ALPK1: variants seen among roughly 807,000 people sequenced by gnomAD.
The protein encoded by ALPK1 is alpha-protein kinase 1.
A neutral mutation model predicts 120.6 loss-of-function variants in ALPK1; 110 were observed. The ratio of observed to expected loss-of-function variants is 0.91; its 90% CI spans 0.78 to 1.07. ALPK1 has a LOEUF of 1.07. ALPK1 is among the 50% of genes least tolerant of loss of function. The pLI is 0.00. For synonymous variants in ALPK1, 582 were observed against 560.3 expected (o/e 1.04, Z -0.55); for missense variants, 1,498 against 1,483.9 (o/e 1.01, Z -0.16).
Position 112,417,966 on chromosome 4 carries a change from G to A in ALPK1, c.475+5941G>A, listed in dbSNP as rs554524462. Among the ~76,000 whole-genome samples the A allele has an allele frequency of 1.4e-4, 21 of 152,316 alleles. No individual in the cohort carries two copies. The South Asian group carries it at 4.1e-3, about 30-fold the overall frequency. ...GGTGACAGAAACCACACAGTAATTT[G>A]AACAGGAAAGTTCAATACAAAGAAT... On this transcript the variant is annotated intron_variant, in intron 5 of 15. Transcript: ENST00000650871.
At chr4:112,421,140 A>G (rs1733975417) in intron 5 of ALPK1, among the ~76,000 whole-genome samples, 1 of 152,090 alleles carries the variant, frequency 6.6e-6, no homozygotes, top group Non-Finnish European at 1.5e-5. Flanking sequence ...CCCATAAAAT[A>G]TTTTTTATGA....
chr4:112,309,517 G>C (rs368503233), intron 1 of ALPK1, among the ~76,000 whole-genome samples: 2 of 152,134 alleles, frequency 1.3e-5, no homozygotes, highest in Non-Finnish European at 2.9e-5. Context: ...AGCAATGAGC[G>C]AGGCTCCGTG....
At chr4:112,348,670 T>C (rs1730198104) in intron 2 of ALPK1, among the ~76,000 whole-genome samples, 1 of 152,206 alleles carries the variant, frequency 6.6e-6, no homozygotes, top group South Asian at 2.1e-4. Context: ...ATGCAAGTCC[T>C]ATTTGTTTCC....
chr4:112,374,370 T>C (rs1731556938), intron 2 of ALPK1, among the ~76,000 whole-genome samples: 1 of 152,214 alleles, frequency 6.6e-6, no homozygotes, highest in Admixed American at 6.5e-5. Context: ...TAATTCTAGT[T>C]CTCTTGCTAT....
intron 1 of ALPK1, among the ~76,000 whole-genome samples, chr4:112,308,820 C>T (rs190003718): frequency 7.2e-5 from 11 of 152,168 alleles, no homozygotes; most frequent in Admixed American, 4.6e-4. Context: ...GGGGGAGGGG[C>T]GCTCTGATTT....
At chr4:112,402,201 A>C (rs904980948) in intron 4 of ALPK1, among the ~76,000 whole-genome samples, 1 of 152,230 alleles carries the variant, frequency 6.6e-6, no homozygotes, top group South Asian at 2.1e-4. Context: ...GTTATGCAGC[A>C]ATAATTTCCC....
chr4:112,357,954 C>T (rs545916665), intron 2 of ALPK1: 64 of 757,412 alleles, frequency 8.4e-5, no homozygotes, highest in African/African-American at 3.9e-4. Flanking sequence ...TTGCCTCCCC[C>T]GGGGTCTACC....
At chr4:112,396,620 T>C (rs996897836) in intron 4 of ALPK1, among the ~76,000 whole-genome samples, 2 of 152,326 alleles carry the variant, frequency 1.3e-5, no homozygotes, top group East Asian at 3.9e-4. Flanking sequence ...TAGAATTTTC[T>C]TTATATTTTG....
intron 1 of ALPK1, among the ~76,000 whole-genome samples, chr4:112,305,115 GT>G: frequency 6.6e-6 from 1 of 152,158 alleles, no homozygotes; most frequent in African/African-American, 2.4e-5. Context: ...CTATATCTCT[GT>G]TTTGGTACCA....
Position 112,438,556 on chromosome 4 carries a change from C to T in ALPK1, c.3261C>T (p.Thr1087=), listed in dbSNP as rs182236762. 2.5e-5 allele frequency: 41 copies of T among 1,613,816 alleles called. No homozygotes were observed. The highest frequency in any genetic ancestry group is 1.7e-4 in the Middle Eastern group (1 of 6,060). The change falls in exon 13 of 16, where the codon ACC becomes ACT. Residue 1087 remains threonine (T), a synonymous_variant. Transcript: ENST00000650871. ...HHFTDVERQM[T]AQHYVTEFNK... ...TCACTGATGTGGAGCGACAGATGAC[C>T]GCACAGCACTATGTGACAGAATTTA...
At chr4:112,314,876 C>CTTTTTTTTTTTTT (rs763492984) in intron 1 of ALPK1, among the ~76,000 whole-genome samples, 2 of 99,624 alleles carry the variant, frequency 2.0e-5, no homozygotes, top group African/African-American at 3.9e-5. Context: ...AATCCATTGC[C>CTTTTTTTTTTTTT]TTTTTTTTTT....
At chr4:112,397,559 T>A (rs1212995590) in intron 4 of ALPK1, among the ~76,000 whole-genome samples, 1 of 152,208 alleles carries the variant, frequency 6.6e-6, no homozygotes, top group Non-Finnish European at 1.5e-5. Flanking sequence ...AGTACAACTT[T>A]AAAAGAGCTT....
chr4:112,391,224 G>A (rs530921388), intron 4 of ALPK1, among the ~76,000 whole-genome samples: 3 of 152,256 alleles, frequency 2.0e-5, no homozygotes, highest in African/African-American at 7.2e-5. Context: ...TTTATGAGCC[G>A]TTGTGTTGTT....
chr4:112,388,382 G>C (rs1251675896), intron 4 of ALPK1, among the ~76,000 whole-genome samples: 1 of 152,124 alleles, frequency 6.6e-6, no homozygotes, highest in African/African-American at 2.4e-5. Context: ...AATTTATTAG[G>C]AAATGAAATA....
At chr4:112,314,371 A>ATTTTGGC (rs1728543747) in intron 1 of ALPK1, among the ~76,000 whole-genome samples, 1 of 152,142 alleles carries the variant, frequency 6.6e-6, no homozygotes, top group African/African-American at 2.4e-5. Context: ...GGATTGTTGG[A>ATTTTGGC]TTTTGGAGAC....
rs763564868 is a variant in ALPK1 at position 112,435,230 on chromosome 4, T to G, written c.3117T>G (p.Thr1039=). 4.3e-6 allele frequency: 7 copies of G among 1,613,750 alleles called. No homozygotes were observed. Among genetic ancestry groups the G allele is most frequent in the Non-Finnish European group, 5.9e-6 (7 of 1,179,890 alleles). ...TTGTCTATTTGGGGGACTACTTGAC[T>G]GTGAAGAAAAAAGGCAGACAAAGAA... ...ETIVYLGDYL[T]VKKKGRQRNA... The change falls in exon 12 of 16, where the codon ACT becomes ACG. Residue 1039 remains threonine, a synonymous_variant. Coordinates refer to ENST00000650871, the MANE Select transcript of ALPK1 (RefSeq NM_025144.4).
At chr4:112,310,441 T>C (rs1728343897) in intron 1 of ALPK1, among the ~76,000 whole-genome samples, 1 of 152,142 alleles carries the variant, frequency 6.6e-6, no homozygotes, top group Non-Finnish European at 1.5e-5. Flanking sequence ...CCAAAATGAA[T>C]ACCATAGATT....
chr4:112,324,974 A>AGG (rs200249583), intron 2 of ALPK1, among the ~76,000 whole-genome samples: 17 of 113,682 alleles, frequency 1.5e-4, no homozygotes, highest in East Asian at 5.5e-4. Flanking sequence ...ACCAAAAAAA[A>AGG]GGGGGGGGGG....
At chr4:112,399,797 G>A (rs979117711) in intron 4 of ALPK1, among the ~76,000 whole-genome samples, 7 of 151,976 alleles carry the variant, frequency 4.6e-5, no homozygotes, top group African/African-American at 7.3e-5. Flanking sequence ...CCCTCCCTGC[G>A]TCTATGTGTT....
Sources: gnomAD v4.1 joint callset for allele counts (sites outside exome capture counted in the v4.1 genomes callset) on GRCh38, gnomAD v4.1.1 for gene constraint, MANE v1.5 for transcripts, NCBI Gene and HGNC (gene_info 2026-07-23, HGNC 2026-07-21) for gene names.